BARHL1: variants seen among roughly 807,000 people sequenced by gnomAD.
The protein encoded by BARHL1 is barH-like 1 homeobox protein.
In BARHL1, 2 loss-of-function variants were observed where a neutral mutation model predicts 20.1. The ratio of observed to expected loss-of-function variants is 0.10; its 90% CI spans 0.04 to 0.31. The LOEUF (loss-of-function observed/expected upper bound fraction) is 0.31, where lower values mean the gene tolerates loss of function less well. Ranked by LOEUF, BARHL1 falls within the 10% of genes least tolerant of loss-of-function variation. The pLI is 1.00. For missense variants in BARHL1, 397 were observed against 454.0 expected, an observed-to-expected ratio of 0.87 and a Z score of 1.14; for synonymous variants, 213 against 209.9, an observed-to-expected ratio of 1.01 and a Z score of -0.13.
At chr9:132,588,724 C>T (rs549560241) in intron 2 of BARHL1, among the ~76,000 whole-genome samples, 45 of 152,188 alleles carry the variant, frequency 3.0e-4, no homozygotes, top group Non-Finnish European at 4.4e-4. Context: ...CCATTTCAGG[C>T]CTGCTCGCTT....
At chr9:132,583,329 A>C in intron 1 of BARHL1, 66 bp downstream of exon 1, 1 of 1,400,974 alleles carries the variant, frequency 7.1e-7, no homozygotes, top group Non-Finnish European at 9.6e-7. Context: ...TTTAAAAGGA[A>C]TACACATGGC....
At chr9:132,584,973 G>A (rs558590002) in intron 1 of BARHL1, among the ~76,000 whole-genome samples, 14 of 152,356 alleles carry the variant, frequency 9.2e-5, no homozygotes, top group Non-Finnish European at 1.3e-4. Context: ...CAAAGAGCAC[G>A]AATCTTCCAC....
chr9:132,587,501 C>T lies in BARHL1; in HGVS notation c.639C>T (p.Ala213=), dbSNP rs556011248. The T allele has an allele frequency of 6.2e-7, 1 of 1,612,680 alleles. No individual in the cohort carries two copies. The highest frequency in any genetic ancestry group is 8.5e-7 in the Non-Finnish European group (1 of 1,179,600). ...TGCAGGACCGCATGGAGCTCGCCGC[C>T]TCGCTCAACCTCACCGACACGCAGG... ...LSVQDRMELA[A]SLNLTDTQVK... is the part of the protein sequence containing the mutation. The change falls in exon 2 of 3, where the codon GCC becomes GCT. Residue 213 remains alanine (A), a synonymous_variant. Coordinates refer to ENST00000263610, the MANE Select transcript of BARHL1 (RefSeq NM_020064.4). This position sits in a 1 kb window ranked among gnomAD's most constrained non-coding sequence, Gnocchi z 5.5.
Position 132,590,109 on chromosome 9 carries a change from C to G in BARHL1, c.*587C>G, listed in dbSNP as rs1246588834. 6.5e-6 allele frequency: 1 copy of G among 152,902 alleles called. No homozygotes were observed. Among genetic ancestry groups the G allele is most frequent in the Non-Finnish European group, 1.5e-5 (1 of 68,294 alleles). The allele number at this position is 152,902 out of a possible 1,614,324, so 9.5% of individuals were successfully genotyped here. ...GTGAGTCTGTGGCCTGTGCCCTCCCCACTCCCAGGCGGGGCAGGAAGGGGC... is the reference window on the plus strand; with the variant it reads ...GTGAGTCTGTGGCCTGTGCCCTCCCGACTCCCAGGCGGGGCAGGAAGGGGC... On this transcript the variant is annotated 3_prime_UTR_variant, in exon 3 of 3. Coordinates refer to ENST00000263610, the MANE Select transcript of BARHL1 (RefSeq NM_020064.4).
rs935901809 is a variant in BARHL1 at position 132,583,271 on chromosome 9, A to C, written c.466+8A>C. The stretch of plus-strand genomic sequence containing the variant: ...CGGACTCTGAGTATAAAGGTAAGAA[A>C]GCAGGAGGTGAAAACTTGGGGGGAT... On this transcript the variant is annotated splice_region_variant and intron_variant, in intron 1 of 2. Transcript: ENST00000263610. 7.5e-6 allele frequency: 12 copies of C among 1,593,696 alleles called. No individual in the cohort carries two copies. In the Admixed American group the frequency reaches 1.2e-4, roughly 16 times the overall value.
rs1447570392 is a variant in BARHL1, at chr9:132,587,659, G to A, written c.689+108G>A. On this transcript the variant is annotated intron_variant, in intron 2 of 2. Transcript: ENST00000263610. This position sits in a 1 kb window ranked among gnomAD's most constrained non-coding sequence, Gnocchi z 5.5. ...GTTGGTGCTAAGGGAGGGCCCCAGAGCCTCCCCCATTCTGTAAAAGTGGGA... is the reference window on the plus strand; with the variant it reads ...GTTGGTGCTAAGGGAGGGCCCCAGAACCTCCCCCATTCTGTAAAAGTGGGA... The A allele has an allele frequency of 1.9e-6, 2 of 1,067,990 alleles. No individual in the cohort carries two copies. The highest frequency in any genetic ancestry group is 5.0e-5 in the Admixed American group (2 of 40,374). The allele number at this position is 1,067,990 out of a possible 1,614,324, so 66.2% of individuals were successfully genotyped here. A position where few individuals can be genotyped will look rare whatever the true frequency, so the allele number is the denominator to read the frequency against.
intron 1 of BARHL1, among the ~76,000 whole-genome samples, chr9:132,584,534 CT>C (rs1830117981): frequency 7.2e-6 from 1 of 137,994 alleles, no homozygotes; most frequent in African/African-American, 2.6e-5. Context: ...TGGACCAAGT[CT>C]TCCCAAAATT....
Position 132,587,303 on chromosome 9 carries a change from GC to G in BARHL1, c.467-23del. The G allele has an allele frequency of 1.9e-6, 3 of 1,570,550 alleles. No homozygotes were observed. The highest frequency in any genetic ancestry group is 1.7e-6 in the Non-Finnish European group (2 of 1,159,958). On this transcript the variant is annotated intron_variant, in intron 1 of 2. Transcript: ENST00000263610. The surrounding 1 kb of genome is among the most constrained non-coding windows in gnomAD (Gnocchi z 5.5). The stretch of plus-strand genomic sequence containing the variant: ...GCACCGGCGGCGGCTGCGAGGCCGG[GC>G]CCTGACATGCCGCTGTGTCCGCAGT...
In BARHL1 at chr9:132,587,940, C is replaced by G. The variant is rs899417147; in HGVS notation, c.689+389C>G. On this transcript the variant is annotated intron_variant, in intron 2 of 2. Coordinates refer to ENST00000263610, the MANE Select transcript of BARHL1 (RefSeq NM_020064.4). The surrounding 1 kb of genome is among the most constrained non-coding windows in gnomAD (Gnocchi z 5.5). ...GGTGACAGTCTTGATGCCCAGGAAG[C>G]CTGTGAAGAGGACGGCCAGGCAGTG... Among the ~76,000 whole-genome samples the G allele has an allele frequency of 6.6e-6, 1 of 152,200 alleles. No homozygotes were observed. Among genetic ancestry groups the G allele is most frequent in the African/African-American group, 2.4e-5 (1 of 41,444 alleles).
At chr9:132,585,912 T>C (rs1317241205) in intron 1 of BARHL1, among the ~76,000 whole-genome samples, 1 of 152,228 alleles carries the variant, frequency 6.6e-6, no homozygotes, top group Non-Finnish European at 1.5e-5. Context: ...AGTTTGAGAT[T>C]TGGATGATCG....
chr9:132,586,975 T>C (rs923788225), intron 1 of BARHL1, among the ~76,000 whole-genome samples: 14 of 152,242 alleles, frequency 9.2e-5, no homozygotes, highest in Non-Finnish European at 1.2e-4. Context: ...TCCCCTACGC[T>C]GGCAGGCTGG....
chr9:132,586,446 A>G (rs1830145216), intron 1 of BARHL1, among the ~76,000 whole-genome samples: 2 of 152,240 alleles, frequency 1.3e-5, no homozygotes, highest in South Asian at 2.1e-4. Flanking sequence ...AAGCCGAACG[A>G]AAGTGTCTGG....
Position 132,583,197 on chromosome 9 carries a change from G to A in BARHL1, c.400G>A (p.Ala134Thr). Residue 134 changes from alanine to threonine, a missense_variant, in exon 1 of 3, where the codon GCG becomes ACG. Transcript: ENST00000263610. ...EPGGRLAAKA[A>T]EDFRDKLDKS... ...TGGGGGCCGCCTTGCGGCCAAGGCC[G>A]CGGAGGACTTTAGAGACAAGCTGGA... The A allele has an allele frequency of 1.2e-6, 2 of 1,613,388 alleles. No individual in the cohort carries two copies. Among genetic ancestry groups the A allele is most frequent in the South Asian group, 2.2e-5 (2 of 91,054 alleles).
rs904346001 is a variant in BARHL1, at chr9:132,582,634, G to A, written c.-164G>A. 19 of 628,354 alleles carry A rather than the reference G, an allele frequency of 3.0e-5. No individual in the cohort carries two copies. Among genetic ancestry groups the A allele is most frequent in the Non-Finnish European group, 4.4e-5 (16 of 362,838 alleles). The allele number at this position is 628,354 out of a possible 1,614,324, so 38.9% of individuals were successfully genotyped here. On this transcript the variant is annotated 5_prime_UTR_variant, in exon 1 of 3. It introduces an in-frame stop codon into an upstream open reading frame of the 5' UTR. Transcript: ENST00000263610. ...TTGGATCTAATGCGCAGAGGAGGTTGGCCCAGAGCTCCCGGGCTCCCCCAA... is the reference window on the plus strand; with the variant it reads ...TTGGATCTAATGCGCAGAGGAGGTTAGCCCAGAGCTCCCGGGCTCCCCCAA...
chr9:132,586,544 C>T (rs1236926714), intron 1 of BARHL1, among the ~76,000 whole-genome samples: 10 of 152,256 alleles, frequency 6.6e-5, no homozygotes, highest in Admixed American at 4.6e-4. Context: ...GGGGTGTAAA[C>T]ACACGATGCC....
chr9:132,583,512 T>G (rs186765129), intron 1 of BARHL1, among the ~76,000 whole-genome samples: 1 of 152,170 alleles, frequency 6.6e-6, no homozygotes, highest in African/African-American at 2.4e-5. Flanking sequence ...TTCCCCAAAA[T>G]GCACAAAGCA....
In BARHL1 at chr9:132,587,589, C is replaced by T. The variant is rs1476027783; in HGVS notation, c.689+38C>T. The stretch of plus-strand genomic sequence containing the variant: ...TGCGGGGGTAGAGGCAGAAAGGGAA[C>T]TTCCCCTTTCCTCACAGCTCCTGGA... On this transcript the variant is annotated intron_variant, in intron 2 of 2. Coordinates refer to ENST00000263610, the MANE Select transcript of BARHL1 (RefSeq NM_020064.4). The surrounding 1 kb of genome is among the most constrained non-coding windows in gnomAD (Gnocchi z 5.5). 2 of 1,550,296 alleles carry T rather than the reference C, an allele frequency of 1.3e-6. No individual in the cohort carries two copies. Among genetic ancestry groups the T allele is most frequent in the South Asian group, 1.2e-5 (1 of 85,332 alleles).
intron 1 of BARHL1, 31 bp downstream of exon 1, chr9:132,583,294 G>T (rs745615810): frequency 6.4e-7 from 1 of 1,560,152 alleles, no homozygotes; most frequent in South Asian, 1.2e-5. Context: ...AACTTGGGGG[G>T]ATGCTATGTA....
rs750114326 is a variant in BARHL1, at chr9:132,582,942, T to C, written c.145T>C (p.Ser49Pro). Residue 49 changes from serine to proline, a missense_variant, in exon 1 of 3, where the codon TCT becomes CCT. Physicochemically the swap from Ser to Pro is moderately conservative, Grantham distance 74 (BLOSUM62 -1). Around this residue, in one of 3 missense-constraint regions of BARHL1, gnomAD observed 272 missense variants for 298.7 expected, o/e 0.91. Transcript: ENST00000263610. ...SPRSESSSDC[S>P]SPASPGRDCL... Reference sequence around the variant, plus strand: ...ACGCTCAGAGAGCAGCAGCGACTGCTCTTCGCCAGCCTCTCCAGGAAGGGA... The same window carrying C: ...ACGCTCAGAGAGCAGCAGCGACTGCCCTTCGCCAGCCTCTCCAGGAAGGGA... 6.2e-7 allele frequency: 1 copy of C among 1,613,394 alleles called. No homozygotes were observed.
Sources: gnomAD v4.1 joint callset for allele counts (sites outside exome capture counted in the v4.1 genomes callset) on GRCh38, gnomAD v4.1.1 for gene constraint, gnomAD v4.1.1 regional missense constraint, Gnocchi (gnomAD v3.1) non-coding constraint, MANE v1.5 for transcripts, NCBI Gene and HGNC (gene_info 2026-07-23, HGNC 2026-07-21) for gene names.